Variants in GDAP1 observed in about 807,000 individuals in gnomAD.
The protein encoded by GDAP1 is ganglioside induced differentiation associated protein 1.
In GDAP1, 34 loss-of-function variants were observed where a neutral mutation model predicts 40.1. The ratio of observed to expected loss-of-function variants is 0.85; its 90% CI spans 0.64 to 1.13. The LOEUF (loss-of-function observed/expected upper bound fraction) is 1.13. GDAP1 is among the 50% of genes most tolerant of loss of function. The probability of loss-of-function intolerance (pLI) is 0.00; values close to 1 mark genes in which losing one functional copy is unlikely to be tolerated. For missense variants in GDAP1, 374 were observed against 433.7 expected, an observed-to-expected ratio of 0.86 and a Z score of 1.22; for synonymous variants, 170 against 157.4, an observed-to-expected ratio of 1.08 and a Z score of -0.60.
intron 2 of GDAP1, among the ~76,000 whole-genome samples, chr8:74,462,762 A>C (rs1262653244): frequency 6.6e-6 from 1 of 152,156 alleles, no homozygotes; most frequent in East Asian, 1.9e-4. Flanking sequence ...TGGGAATGAG[A>C]ATCCTAGAAT....
At position 74,430,187 on chromosome 8, in the gene GDAP1, A is replaced by C. The variant is rs546151723; in HGVS notation, c.166-58491A>C. Among the ~76,000 whole-genome samples, 12 of 152,382 alleles carry C rather than the reference A, an allele frequency of 7.9e-5. No homozygotes were observed. The South Asian group carries it at 1.4e-3, about 18-fold the overall frequency. ...ATGGTTCAAGTGTGACAATGTACTT[A>C]GTTGGAGAAGCTGAAGGGCATTTTT... On this transcript the variant is annotated intron_variant, in intron 2 of 2. Coordinates refer to the GDAP1 transcript ENST00000523640.
In GDAP1 at chr8:74,444,496, G is replaced by C. The variant is rs4269535; in HGVS notation, c.166-44182G>C. On this transcript the variant is annotated intron_variant, in intron 2 of 2. Transcript: ENST00000523640. ...TAGTGAACCAATACCAACAGCTGTGGTCAGTTAATGGGGTAAGAATTAAAC... is the reference window on the plus strand; with the variant it reads ...TAGTGAACCAATACCAACAGCTGTGCTCAGTTAATGGGGTAAGAATTAAAC... 7.1e-4 allele frequency among the ~76,000 whole-genome samples: 108 copies of C among 152,254 alleles called. 1 individual carries two copies. The South Asian group carries it at 0.022, about 31-fold the overall frequency.
At chr8:74,449,849 C>T (rs1311678969) in intron 2 of GDAP1, among the ~76,000 whole-genome samples, 2 of 151,328 alleles carry the variant, frequency 1.3e-5, no homozygotes, top group Non-Finnish European at 3.0e-5. Context: ...TTCTGGTTTG[C>T]CAAGAGTTTA....
At chr8:74,464,762 A>G (rs1206086915) in intron 2 of GDAP1, among the ~76,000 whole-genome samples, 1 of 152,202 alleles carries the variant, frequency 6.6e-6, no homozygotes, top group Non-Finnish European at 1.5e-5. Flanking sequence ...GGGGGAATGG[A>G]CAGTCATGCC....
chr8:74,422,342 TTTCTTTCTTCCCTTCC>T lies in GDAP1; in HGVS notation c.166-66332_166-66317del, dbSNP rs1189588566. ...CTTTCTTTCTTTCTTTCTTTCTTTC[TTTCTTTCTTCCCTTCC>T]TTCCTTCCTTCCTTCCTTCCTTCCT... On this transcript the variant is annotated intron_variant, in intron 2 of 2. Transcript: ENST00000523640. 9.0e-3 allele frequency among the ~76,000 whole-genome samples: 500 copies of T among 55,316 alleles called. 7 individuals are homozygous for T. Among genetic ancestry groups the T allele is most frequent in the South Asian group, 0.019 (27 of 1,442 alleles). The allele number at this position is 55,316 out of a possible 152,430, so 36.3% of individuals were successfully genotyped here. A position where few individuals can be genotyped will look rare whatever the true frequency, so the allele number is the denominator to read the frequency against.
intron 2 of GDAP1, among the ~76,000 whole-genome samples, chr8:74,405,916 A>C (rs1362234432): frequency 2.0e-5 from 3 of 150,006 alleles, no homozygotes; most frequent in Non-Finnish European, 4.4e-5. Context: ...GGGGTACGGA[A>C]TGGTGTGTTC....
At chr8:74,389,804 A>C (rs1044243619) in intron 2 of GDAP1, among the ~76,000 whole-genome samples, 1 of 152,200 alleles carries the variant, frequency 6.6e-6, no homozygotes, top group African/African-American at 2.4e-5. Context: ...CGTCACTTTC[A>C]GGTACACCAA....
chr8:74,481,577 A>G (rs182867809), intron 2 of GDAP1, among the ~76,000 whole-genome samples: 2 of 152,282 alleles, frequency 1.3e-5, no homozygotes, highest in East Asian at 3.9e-4. Flanking sequence ...TGCTCTCCAG[A>G]CAAACCTTCA....
chr8:74,455,101 TAA>T (rs1806319421), intron 2 of GDAP1, among the ~76,000 whole-genome samples: 1 of 151,966 alleles, frequency 6.6e-6, no homozygotes, highest in Non-Finnish European at 1.5e-5. Flanking sequence ...TTATTAAAAT[TAA>T]AAGATTCATC....
Position 74,364,727 on chromosome 8 carries a change from C to G in GDAP1, c.*360C>G. 2.1e-6 allele frequency: 1 copy of G among 466,238 alleles called. No homozygotes were observed. The highest frequency in any genetic ancestry group is 4.2e-6 in the Non-Finnish European group (1 of 235,294). The allele number at this position is 466,238 out of a possible 1,614,324, so 28.9% of individuals were successfully genotyped here. A position where few individuals can be genotyped will look rare whatever the true frequency, so the allele number is the denominator to read the frequency against. ...TAGTTACTTGTGGCTACTGCCCACA[C>G]ATACACTTCTGTAATTGAGAACTCT... On this transcript the variant is annotated 3_prime_UTR_variant, in exon 6 of 6. Transcript: ENST00000220822.
chr8:74,362,830 T>G (rs1035267651), intron 4 of GDAP1, 109 bp from the exon 5 acceptor site: 1 of 516,548 alleles, frequency 1.9e-6, no homozygotes, highest in African/African-American at 2.0e-5. Context: ...TTCTTCTCGT[T>G]GTCTAAAATA....
rs542242105 is a variant in GDAP1 at position 74,411,482 on chromosome 8, C to A, written c.165+60161C>A. On this transcript the variant is annotated intron_variant, in intron 2 of 2. Coordinates refer to the GDAP1 transcript ENST00000523640. Reference sequence around the variant, plus strand: ...GAATGTTTGCTACAGTCTACAGTTACATGTAAATACTACTAAACTAGTATT... The same window carrying A: ...GAATGTTTGCTACAGTCTACAGTTAAATGTAAATACTACTAAACTAGTATT... Among the ~76,000 whole-genome samples the A allele has an allele frequency of 2.7e-5, 4 of 148,634 alleles. No individual in the cohort carries two copies. In the South Asian group the frequency reaches 8.3e-4, roughly 31 times the overall value.
intron 2 of GDAP1, among the ~76,000 whole-genome samples, chr8:74,448,030 C>G (rs1806254206): frequency 6.6e-6 from 1 of 152,112 alleles, no homozygotes. Flanking sequence ...AAGAAATTAC[C>G]TGGTGGAGGA....
At chr8:74,405,018 C>T (rs2131551195) in intron 2 of GDAP1, among the ~76,000 whole-genome samples, 1 of 150,014 alleles carries the variant, frequency 6.7e-6, no homozygotes, top group East Asian at 1.9e-4. Flanking sequence ...TTAGTCTGTT[C>T]TCATGCTGCT....
Position 74,364,633 on chromosome 8 carries a change from G to A in GDAP1, c.*266G>A. On this transcript the variant is annotated 3_prime_UTR_variant, in exon 6 of 6. Coordinates refer to ENST00000220822, the MANE Select transcript of GDAP1 (RefSeq NM_018972.4). ...GAGAATGAAGTCTGTATAGGGTAGA[G>A]CAATAGAAAGTAAGCTTCGGGTGCC... 2 of 581,614 alleles carry A rather than the reference G, an allele frequency of 3.4e-6. No individual in the cohort carries two copies. Among genetic ancestry groups the A allele is most frequent in the Non-Finnish European group, 6.4e-6 (2 of 310,270 alleles). The allele number at this position is 581,614 out of a possible 1,614,324, so 36.0% of individuals were successfully genotyped here. A position where few individuals can be genotyped will look rare whatever the true frequency, so the allele number is the denominator to read the frequency against.
chr8:74,411,559 A>G (rs527972062), intron 2 of GDAP1, among the ~76,000 whole-genome samples: 1 of 148,900 alleles, frequency 6.7e-6, no homozygotes, highest in Admixed American at 6.6e-5. Flanking sequence ...ACAACAATAA[A>G]TAAAGAGTAT....
At chr8:74,443,899 C>A (rs776548541) in intron 2 of GDAP1, among the ~76,000 whole-genome samples, 1 of 152,112 alleles carries the variant, frequency 6.6e-6, no homozygotes, top group Non-Finnish European at 1.5e-5. Flanking sequence ...TTCTCTCCAG[C>A]TGTTTTTCTT....
At position 74,442,192 on chromosome 8, in the gene GDAP1, T is replaced by C. The variant is rs189635187; in HGVS notation, c.166-46486T>C. Among the ~76,000 whole-genome samples, 22 of 152,342 alleles carry C rather than the reference T, an allele frequency of 1.4e-4. No individual in the cohort carries two copies. In the East Asian group the frequency reaches 4.2e-3, roughly 29 times the overall value. On this transcript the variant is annotated intron_variant, in intron 2 of 2. Coordinates refer to the GDAP1 transcript ENST00000523640. ...CAAATAACTGAATCTGTGAATGTGG[T>C]ATTTCAGATACATTGGAGACAATAC...
intron 2 of GDAP1, among the ~76,000 whole-genome samples, chr8:74,388,559 T>G (rs951868449): frequency 1.3e-5 from 2 of 152,198 alleles, no homozygotes; most frequent in Non-Finnish European, 2.9e-5. Flanking sequence ...TTGTTATGAC[T>G]TCTGTCTTTT....
Sources: allele counts gnomAD v4.1 joint callset (sites outside exome capture counted in the v4.1 genomes callset), GRCh38; gene constraint gnomAD v4.1.1; transcripts MANE v1.5; gene names NCBI Gene and HGNC (gene_info 2026-07-23, HGNC 2026-07-21).